PRL: variants seen among roughly 807,000 people sequenced by gnomAD.
The protein encoded by PRL is decidual prolactin.
In PRL, 24 loss-of-function variants were observed where a neutral mutation model predicts 21.3. The observed-to-expected ratio is 1.13, with a 90% CI of 0.82 to 1.59. The LOEUF (loss-of-function observed/expected upper bound fraction) is 1.59. PRL is among the 40% of genes most tolerant of loss of function. The pLI is 0.00. For synonymous variants in PRL, 118 were observed against 115.7 expected (o/e 1.02, Z -0.13); for missense variants, 243 against 286.9 (o/e 0.85, Z 1.10).
At chr6:22,302,381 A>C (rs956745482), upstream of PRL, among the ~76,000 whole-genome samples, 11 of 152,142 alleles carry the variant, frequency 7.2e-5, no homozygotes, top group Non-Finnish European at 1.6e-4. Context: ...GGCAGAATAA[A>C]ATCAAGTATA....
rs1561753089 is a variant in PRL at position 22,288,903 on chromosome 6, C to CGT, written c.492+1270_492+1271insAC. On this transcript the variant is annotated intron_variant, in intron 4 of 4. Transcript: ENST00000306482. This position sits in a 1 kb window ranked among gnomAD's most constrained non-coding sequence, Gnocchi z 4.5. ...GCGTGCGCGTGTGTGTGCGTGTGTG[C>CGT]GCGCGCGTGTGTGTGCGTGCGCGTG... Among the ~76,000 whole-genome samples, 6 of 148,432 alleles carry CGT rather than the reference C, an allele frequency of 4.0e-5. No homozygotes were observed. In the East Asian group the frequency reaches 7.9e-4, roughly 20 times the overall value.
At position 22,292,568 on chromosome 6, in the gene PRL, G is replaced by C. The variant is rs114131603; in HGVS notation, c.282C>G (p.Pro94=). 1 of 1,613,898 alleles carries C rather than the reference G, an allele frequency of 6.2e-7. No homozygotes were observed. Among genetic ancestry groups the C allele is most frequent in the Non-Finnish European group, 8.5e-7 (1 of 1,179,990 alleles). ...NSCHTSSLAT[P]EDKEQAQQMN... is the part of the protein sequence containing the mutation. ...TCTGTTGGGCTTGCTCCTTGTCTTC[G>C]GGGGTGGCAAGGGAAGAAGTGTGGC... Residue 94 remains proline (P), a synonymous_variant, in exon 3 of 5, where the codon CCC becomes CCG. Coordinates refer to ENST00000306482, the MANE Select transcript of PRL (RefSeq NM_000948.6).
intron 3 of PRL, among the ~76,000 whole-genome samples, chr6:22,291,471 A>T (rs1761048207): frequency 6.6e-6 from 1 of 152,160 alleles, no homozygotes; most frequent in Non-Finnish European, 1.5e-5. Context: ...AATGCCCACA[A>T]AGTGTCTGAC....
At chr6:22,294,707 A>G (rs1761138657) in intron 1 of PRL, 123 bp from the exon 2 acceptor site, 1 of 1,074,180 alleles carries the variant, frequency 9.3e-7, no homozygotes, top group African/African-American at 1.6e-5. Flanking sequence ...TTGCTACTGT[A>G]ATGGCTGGGA....
intron 4 of PRL, 92 bp from the exon 5 acceptor site, chr6:22,287,685 T>G: frequency 8.4e-7 from 1 of 1,190,472 alleles, no homozygotes. Flanking sequence ...GAATTGAGAA[T>G]GAGATATGAA....
At chr6:22,287,649 C>A (rs1760951455) in intron 4 of PRL, 56 bp from the exon 5 acceptor site, 2 of 1,370,882 alleles carry the variant, frequency 1.5e-6, no homozygotes, top group South Asian at 1.7e-5. Context: ...TTTGTATGTC[C>A]TTGTTCTTTC....
chr6:22,290,880 C>T (rs62402784), intron 3 of PRL: 22,697 of 152,124 alleles, frequency 0.15, 1,764 homozygotes, highest in African/African-American at 0.2. Flanking sequence ...GATCCTAGAA[C>T]GAAGAGACAA....
chr6:22,294,313 AT>A, intron 2 of PRL, 95 bp downstream of exon 2: 1 of 1,427,266 alleles, frequency 7.0e-7, no homozygotes, highest in Non-Finnish European at 9.8e-7. Flanking sequence ...ATCGTTTGAA[AT>A]TTGGCTCGGG....
chr6:22,292,768 A>G (rs1157455720), intron 2 of PRL, 123 bp from the exon 3 acceptor site: 25 of 723,950 alleles, frequency 3.5e-5, no homozygotes, highest in Non-Finnish European at 5.3e-5. Flanking sequence ...GCTACATAAA[A>G]ATGAAAACTA....
At chr6:22,296,896 A>G (rs1470172852) in intron 1 of PRL, 59 bp downstream of exon 1, 2 of 1,560,478 alleles carry the variant, frequency 1.3e-6, no homozygotes, top group Admixed American at 1.8e-5. Flanking sequence ...AAAATTTCAC[A>G]TTAATCCCCC....
chr6:22,290,912 CA>C (rs2113503451), intron 3 of PRL: 1 of 141,578 alleles, frequency 7.1e-6, no homozygotes, highest in East Asian at 2.1e-4. Context: ...TGGAATTCAT[CA>C]ACATGCTTTC....
At chr6:22,291,108 C>G (rs1761040231) in intron 3 of PRL, 1 of 152,130 alleles carries the variant, frequency 6.6e-6, no homozygotes, top group Admixed American at 6.5e-5. Context: ...CTGATTATCT[C>G]TGATTTAAAA....
chr6:22,300,334 A>G (rs558805049), upstream of PRL, among the ~76,000 whole-genome samples: 1 of 152,336 alleles, frequency 6.6e-6, no homozygotes, highest in East Asian at 1.9e-4. Context: ...TAAATTAAGA[A>G]TATATTCTTG....
chr6:22,293,302 C>T (rs1485943177), intron 2 of PRL, among the ~76,000 whole-genome samples: 1 of 152,010 alleles, frequency 6.6e-6, no homozygotes, highest in Non-Finnish European at 1.5e-5. Flanking sequence ...GACACATTGA[C>T]AGGAAAGACT....
upstream of PRL, among the ~76,000 whole-genome samples, chr6:22,297,729 C>T (rs1032585504): frequency 1.3e-5 from 2 of 152,096 alleles, no homozygotes; most frequent in Non-Finnish European, 2.9e-5. Context: ...TGGTATTATT[C>T]TCTCCAGTTT....
chr6:22,301,721 T>C (rs1357296299), upstream of PRL, among the ~76,000 whole-genome samples: 2 of 152,222 alleles, frequency 1.3e-5, no homozygotes, highest in African/African-American at 4.8e-5. Context: ...TGTTAGAATT[T>C]GTCTAAAATA....
upstream of PRL, among the ~76,000 whole-genome samples, chr6:22,302,155 G>A (rs1761292396): frequency 6.6e-6 from 1 of 152,134 alleles, no homozygotes; most frequent in Admixed American, 6.5e-5. Flanking sequence ...ATATAGTCAA[G>A]CTGATTTTTT....
chr6:22,290,711 G>A (rs1247691712), intron 3 of PRL, among the ~76,000 whole-genome samples: 5 of 152,098 alleles, frequency 3.3e-5, no homozygotes, highest in African/African-American at 4.8e-5. Context: ...AAGTTTTGCC[G>A]AAACTCAGTA....
chr6:22,299,281 A>G (rs1761239226), upstream of PRL, among the ~76,000 whole-genome samples: 1 of 152,184 alleles, frequency 6.6e-6, no homozygotes, highest in Non-Finnish European at 1.5e-5. Context: ...CTTGTGATGC[A>G]ACTGAGGGGT....
Sources: gnomAD v4.1 joint callset for allele counts (sites outside exome capture counted in the v4.1 genomes callset) on GRCh38, gnomAD v4.1.1 for gene constraint, Gnocchi (gnomAD v3.1) non-coding constraint, MANE v1.5 for transcripts, NCBI Gene and HGNC (gene_info 2026-07-23, HGNC 2026-07-21) for gene names.